Variants in SCN10A observed in about 807,000 individuals in gnomAD.
The protein encoded by SCN10A is sodium voltage-gated channel alpha subunit 10, also known as sodium channel protein type 10 subunit alpha.
SCN10A carries 162 observed loss-of-function variants against 170.7 expected under a neutral mutation model. The observed-to-expected ratio is 0.95, with a 90% CI of 0.84 to 1.08. The LOEUF is 1.08. Among genes scored for constraint, SCN10A ranks in the 50% least tolerant of loss-of-function variants. The pLI, the probability that SCN10A is intolerant of heterozygous loss-of-function variation, is 0.00. For synonymous variants in SCN10A, 985 were observed against 904.6 expected, an observed-to-expected ratio of 1.09 and a Z score of -1.59; for missense variants, 2,527 against 2,436.9, an observed-to-expected ratio of 1.04 and a Z score of -0.78.
At position 38,718,827 on chromosome 3, in the gene SCN10A, C is replaced by CT; in HGVS notation, c.3508-2dup. 1.2e-6 allele frequency: 2 copies of CT among 1,613,812 alleles called. No homozygotes were observed. The highest frequency in any genetic ancestry group is 1.7e-6 in the Non-Finnish European group (2 of 1,179,844). On this transcript the variant is annotated splice_acceptor_variant, in intron 20 of 27. Transcript: ENST00000449082. LOFTEE classifies it high-confidence loss of function. Reference sequence around the variant, plus strand: ...GGTCCAGGTAATAGTCTTCAAAGGCCTGGAAGGAAGAAAGGATGCAGAATG... The same window carrying CT: ...GGTCCAGGTAATAGTCTTCAAAGGCCTTGGAAGGAAGAAAGGATGCAGAATG...
intron 26 of SCN10A, among the ~76,000 whole-genome samples, chr3:38,703,860 G>A (rs910098154): frequency 2.0e-5 from 3 of 152,142 alleles, no homozygotes; most frequent in Non-Finnish European, 4.4e-5. Flanking sequence ...GTAAGAGTAG[G>A]AACTTTGTCT....
rs1000263247 is a variant in SCN10A at position 38,776,194 on chromosome 3, T to C, written c.471-4787A>G. ...CATTGTCATGGCTCCCATTTTCTTATATATTTTTGTCTGGTTTTGGGAGAT... is the reference window on the plus strand; with the variant it reads ...CATTGTCATGGCTCCCATTTTCTTACATATTTTTGTCTGGTTTTGGGAGAT... On this transcript the variant is annotated intron_variant, in intron 4 of 27. Coordinates refer to ENST00000449082, the MANE Select transcript of SCN10A (RefSeq NM_006514.4). Among the ~76,000 whole-genome samples, 13 of 152,236 alleles carry C rather than the reference T, an allele frequency of 8.5e-5. No homozygotes were observed. In the East Asian group the frequency reaches 1.3e-3, roughly 16 times the overall value.
At position 38,723,509 on chromosome 3, in the gene SCN10A, G is replaced by A. The variant is rs1329766847; in HGVS notation, c.3273C>T (p.Cys1091=). The A allele has an allele frequency of 1.2e-6, 2 of 1,612,276 alleles. No homozygotes were observed. ...TCCTCAGGATTTCCTCAGGATCTAG[G>A]CAGTCCACCGTGCTGCCCTCAGAGG... ...TSSSEGSTVD[C]LDPEEILRKI... is the part of the protein sequence containing the mutation. Residue 1091 remains cysteine, a synonymous_variant, in exon 19 of 28, where the codon TGC becomes TGT. Transcript: ENST00000449082.
chr3:38,775,642 GTCTT>G (rs1374390209), intron 4 of SCN10A, among the ~76,000 whole-genome samples: 1 of 152,096 alleles, frequency 6.6e-6, no homozygotes, highest in Non-Finnish European at 1.5e-5. Flanking sequence ...AAGTCACTGA[GTCTT>G]TCCCATATAT....
At position 38,714,049 on chromosome 3, in the gene SCN10A, A is replaced by T; in HGVS notation, c.3713T>A (p.Leu1238Gln). The T allele has an allele frequency of 6.2e-7, 1 of 1,614,226 alleles. No individual in the cohort carries two copies. The highest frequency in any genetic ancestry group is 1.1e-5 in the South Asian group (1 of 91,092). ...GATGGGAGCCACTTCAGAATATTCC[A>T]GAATCTTCGCTGTGAGACTTATCAG... Reference protein sequence around the residue: ...ISLISLTAKILEYSEVAPIKA... With the variant: ...ISLISLTAKIQEYSEVAPIKA... The change falls in exon 22 of 28, where the codon CTG becomes CAG. Residue 1238 changes from leucine (L) to glutamine (Q), a missense_variant. Transcript: ENST00000449082.
At chr3:38,710,288 C>A (rs1288962725) in intron 24 of SCN10A, among the ~76,000 whole-genome samples, 1 of 152,072 alleles carries the variant, frequency 6.6e-6, no homozygotes, top group East Asian at 1.9e-4. Flanking sequence ...GTCTCCCGAG[C>A]AGCTGGGACT....
intron 13 of SCN10A, among the ~76,000 whole-genome samples, chr3:38,743,634 T>G (rs1405517256): frequency 6.6e-6 from 1 of 152,204 alleles, no homozygotes; most frequent in African/African-American, 2.4e-5. Context: ...TATATTGTTC[T>G]CTTTGAAACC....
At chr3:38,722,522 T>C in intron 19 of SCN10A, 110 bp from the exon 20 acceptor site, 3 of 1,314,826 alleles carry the variant, frequency 2.3e-6, no homozygotes, top group Non-Finnish European at 2.1e-6. Context: ...GTCATGCCCT[T>C]GGAAAAAAAT....
At chr3:38,719,776 A>G (rs1228580271) in intron 20 of SCN10A, among the ~76,000 whole-genome samples, 1 of 152,138 alleles carries the variant, frequency 6.6e-6, no homozygotes, top group African/African-American at 2.4e-5. Context: ...AGGTTTCAGG[A>G]ACCTAGCAAT....
chr3:38,783,916 A>C (rs1185750716), intron 4 of SCN10A, among the ~76,000 whole-genome samples: 3 of 152,094 alleles, frequency 2.0e-5, no homozygotes, highest in African/African-American at 7.2e-5. Flanking sequence ...ATGTAATAAA[A>C]TCTCAGTGTG....
At chr3:38,757,180 G>A in intron 8 of SCN10A, 21 bp from the exon 9 acceptor site, 1 of 1,571,842 alleles carries the variant, frequency 6.4e-7, no homozygotes, top group Non-Finnish European at 8.6e-7. Context: ...AACAGAGAAG[G>A]TCATCCCCTG....
chr3:38,698,767 C>A (rs2063125875), intron 27 of SCN10A, among the ~76,000 whole-genome samples: 3 of 152,172 alleles, frequency 2.0e-5, no homozygotes, highest in Admixed American at 2.0e-4. Flanking sequence ...CTCTCTTCCT[C>A]CTCCGTCTTA....
chr3:38,749,043 A>C (rs1215717658), intron 13 of SCN10A, among the ~76,000 whole-genome samples: 1 of 152,204 alleles, frequency 6.6e-6, no homozygotes, highest in African/African-American at 2.4e-5. Context: ...TATCTGGTAA[A>C]TTACTGGCTA....
In SCN10A at chr3:38,755,968, G is replaced by C. The variant is rs868366007; in HGVS notation, c.1291-10C>G. ...CTAGTGCTGCTAGCACCTGCGAAGA[G>C]AGAACAGCAGGTGTAGCCAATAGTA... On this transcript the variant is annotated splice_polypyrimidine_tract_variant and intron_variant, in intron 10 of 27. Transcript: ENST00000449082. 3 of 1,614,036 alleles carry C rather than the reference G, an allele frequency of 1.9e-6. No homozygotes were observed. Among genetic ancestry groups the C allele is most frequent in the African/African-American group, 2.7e-5 (2 of 74,938 alleles).
In SCN10A at chr3:38,802,528, T is replaced by G. The variant is rs550263802; in HGVS notation, c.-32-8486A>C. ...TAACTTAGGTCCCAAGCCTTAAAAC[T>G]TTTTAATTACCCATTATTGAAAGGA... On this transcript the variant is annotated intron_variant, in intron 1 of 27. Coordinates refer to ENST00000449082, the MANE Select transcript of SCN10A (RefSeq NM_006514.4). 3.9e-5 allele frequency among the ~76,000 whole-genome samples: 6 copies of G among 152,254 alleles called. No individual in the cohort carries two copies. In the South Asian group the frequency reaches 6.2e-4, roughly 16 times the overall value.
At chr3:38,774,287 G>A (rs1217355011) in intron 4 of SCN10A, among the ~76,000 whole-genome samples, 3 of 152,096 alleles carry the variant, frequency 2.0e-5, no homozygotes, top group African/African-American at 7.2e-5. Flanking sequence ...AGCTTTGATG[G>A]ATATTTCTGG....
chr3:38,757,044 C>T lies in SCN10A; in HGVS notation c.1066G>A (p.Asp356Asn), dbSNP rs760073097. 1.9e-6 allele frequency: 3 copies of T among 1,612,586 alleles called. No homozygotes were observed. In the Admixed American group the frequency reaches 5.0e-5, roughly 27 times the overall value. The change falls in exon 9 of 28, where the codon GAT becomes AAT. Residue 356 changes from aspartate (D) to asparagine (N), a missense_variant. Physicochemically the swap from Asp to Asn is conservative, Grantham distance 23. Transcript: ENST00000449082. ...TGCTGGTAGAGGCGTTCCCAGGAAT[C>T]CTGTGTCATGAGGCGGAACAGTGAG... ...FLSLFRLMTQ[D>N]SWERLYQQTL...
chr3:38,716,573 G>A (rs1424932812), intron 21 of SCN10A, among the ~76,000 whole-genome samples: 1 of 152,118 alleles, frequency 6.6e-6, no homozygotes, highest in African/African-American at 2.4e-5. Flanking sequence ...TCTTAGGTAT[G>A]TCTTTATCAG....
intron 25 of SCN10A, among the ~76,000 whole-genome samples, chr3:38,708,349 T>C (rs773159968): frequency 6.6e-6 from 1 of 152,172 alleles, no homozygotes; most frequent in Non-Finnish European, 1.5e-5. Flanking sequence ...CGTTACCTAA[T>C]ATCTCCCTCT....
Sources: gnomAD v4.1 joint callset for allele counts (sites outside exome capture counted in the v4.1 genomes callset) on GRCh38, gnomAD v4.1.1 for gene constraint, MANE v1.5 for transcripts, NCBI Gene and HGNC (gene_info 2026-07-23, HGNC 2026-07-21) for gene names.